Variants in USP11 observed in about 807,000 individuals in gnomAD.
USP11 encodes ubiquitin carboxyl-terminal hydrolase 11.
USP11 carries 5 observed loss-of-function variants against 72.8 expected under a neutral mutation model. That is an observed-to-expected ratio of 0.07 (90% CI 0.04 to 0.14). USP11 has a LOEUF of 0.14. USP11 is among the 10% of genes least tolerant of loss of function. The probability of loss-of-function intolerance (pLI) is 1.00; values close to 1 mark genes in which losing one functional copy is unlikely to be tolerated. For synonymous variants in USP11, 368 were observed against 326.5 expected, an observed-to-expected ratio of 1.13 and a Z score of -1.37; for missense variants, 480 against 794.7, an observed-to-expected ratio of 0.60 and a Z score of 4.76.
At chrX:47,238,334 C>T (rs1286553029) in intron 1 of USP11, among the ~76,000 whole-genome samples, 6 of 109,173 alleles carry the variant, frequency 5.5e-5, no homozygotes, top group Non-Finnish European at 9.5e-5. Context: ...ATTACAGGCA[C>T]GTGCCAGCAC....
intron 12 of USP11, 22 bp from the exon 13 acceptor site, chrX:47,243,374 G>A (rs1286387564): frequency 8.3e-7 from 1 of 1,209,860 alleles, no homozygotes; most frequent in South Asian, 1.8e-5. Context: ...GATCAGGTGT[G>A]CCTGCTGTCC....
chrX:47,238,227 G>T (rs1019471647), intron 1 of USP11, among the ~76,000 whole-genome samples: 3 of 95,699 alleles, frequency 3.1e-5, no homozygotes, highest in Admixed American at 1.2e-4. Flanking sequence ...TCACTCTGTC[G>T]CACAGGCTGG....
intron 7 of USP11, 58 bp downstream of exon 7, chrX:47,240,934 G>A (rs2055399234): frequency 9.1e-7 from 1 of 1,099,623 alleles, no homozygotes; most frequent in African/African-American, 1.8e-5. Context: ...AAGAGCTGAG[G>A]ATTGGGGACA....
At chrX:47,238,957 C>T in intron 1 of USP11, 113 bp from the exon 2 acceptor site, 1 of 485,790 alleles carries the variant, frequency 2.1e-6, no homozygotes, top group South Asian at 4.6e-5. Flanking sequence ...GATGCTGAAA[C>T]TTTTCATCTT....
At chrX:47,233,379 T>C (rs2055355104) in intron 1 of USP11, 160 bp downstream of exon 1, 1 of 1,076,958 alleles carries the variant, frequency 9.3e-7, no homozygotes, top group Non-Finnish European at 1.2e-6. Context: ...GGAAGTGCCT[T>C]TGAATGAATC....
Position 47,242,276 on chromosome X carries a change from C to T in USP11, c.1374C>T (p.Ile458=), listed in dbSNP as rs749581378. The T allele has an allele frequency of 4.1e-6, 5 of 1,211,848 alleles. No homozygotes were observed. Among genetic ancestry groups the T allele is most frequent in the Non-Finnish European group, 5.6e-6 (5 of 895,495 alleles). Residue 458 remains isoleucine (I), a synonymous_variant, in exon 10 of 21, where the codon ATC becomes ATT. Coordinates refer to ENST00000377107, the MANE Select transcript of USP11 (RefSeq NM_001371072.1). ...AGAGGGTCTTGGAGGTCTTCTTTAT[C>T]CCCATGGATCCGCGCCGCAAGCCAG... The part of the protein sequence containing the change: ...SHKRVLEVFF[I]PMDPRRKPEQ...
intron 7 of USP11, 69 bp from the exon 8 acceptor site, chrX:47,241,208 T>C (rs1407429495): frequency 1.1e-5 from 12 of 1,099,923 alleles, no homozygotes; most frequent in Non-Finnish European, 1.5e-5. Context: ...CTGGCTTCTT[T>C]TTGTGTATCC....
At chrX:47,239,693 A>G (rs2055392258) in intron 3 of USP11, 97 bp from the exon 4 acceptor site, 5 of 1,011,324 alleles carry the variant, frequency 4.9e-6, no homozygotes, top group East Asian at 3.1e-5. Flanking sequence ...TTTGTATGCT[A>G]TGTTTGTAAG....
chrX:47,247,233 G>T lies in USP11; in HGVS notation c.2420+12G>T, dbSNP rs372168146. On this transcript the variant is annotated intron_variant, in intron 18 of 20. Transcript: ENST00000377107. ...GAGTTTCCTATCCGGTCAGGGGCCA[G>T]GGAGAGGATGGCTGGGGGAAGGCAG... is the stretch of plus-strand genomic sequence containing the variant. The T allele has an allele frequency of 1.9e-4, 224 of 1,208,886 alleles. No individual in the cohort carries two copies. The highest frequency in any genetic ancestry group is 2.3e-4 in the Non-Finnish European group (208 of 894,927).
In USP11 at chrX:47,247,785, C is replaced by G. The variant is rs1475936981; in HGVS notation, c.2626-8C>G. On this transcript the variant is annotated splice_region_variant and splice_polypyrimidine_tract_variant and intron_variant, in intron 20 of 20. Transcript: ENST00000377107. Reference sequence around the variant, plus strand: ...CAATCCACACTGACTCCTGTCCTCTCCCCACAGTCCAAGGCAGCCTATGTC... The same window carrying G: ...CAATCCACACTGACTCCTGTCCTCTGCCCACAGTCCAAGGCAGCCTATGTC... 8.3e-7 allele frequency: 1 copy of G among 1,205,162 alleles called. No homozygotes were observed. Among genetic ancestry groups the G allele is most frequent in the African/African-American group, 1.8e-5 (1 of 56,127 alleles).
intron 7 of USP11, 73 bp from the exon 8 acceptor site, chrX:47,241,204 T>G (rs2055401186): frequency 9.2e-7 from 1 of 1,083,593 alleles, no homozygotes; most frequent in South Asian, 2.2e-5. Flanking sequence ...CCTCCTGGCT[T>G]CTTTTTGTGT....
Position 47,240,296 on chromosome X carries a change from C to A in USP11, c.536-9C>A. ...AAAGATCTTGAATGTACTCCATCAC[C>A]CCGCACAGGCCTAGTATTGCGCACA... On this transcript the variant is annotated splice_polypyrimidine_tract_variant and intron_variant, in intron 4 of 20. Coordinates refer to ENST00000377107, the MANE Select transcript of USP11 (RefSeq NM_001371072.1). The A allele has an allele frequency of 8.3e-7, 1 of 1,208,827 alleles. No homozygotes were observed. Among genetic ancestry groups the A allele is most frequent in the African/African-American group, 1.7e-5 (1 of 57,736 alleles).
At chrX:47,233,985 A>G (rs1210887181) in intron 1 of USP11, 1 of 112,232 alleles carries the variant, frequency 8.9e-6, no homozygotes, top group African/African-American at 3.2e-5. Context: ...TTTAGAATCA[A>G]GAAAAAGTCG....
At chrX:47,244,617 G>C in intron 14 of USP11, 65 bp from the exon 15 acceptor site, 1 of 1,206,134 alleles carries the variant, frequency 8.3e-7, no homozygotes, top group South Asian at 1.8e-5. Context: ...GGTTCGTCTA[G>C]GTGTGCATTG....
Position 47,241,712 on chromosome X carries a change from C to G in USP11, c.1179+13C>G. 8.5e-7 allele frequency: 1 copy of G among 1,175,218 alleles called. No individual in the cohort carries two copies. Among genetic ancestry groups the G allele is most frequent in the Non-Finnish European group, 1.1e-6 (1 of 878,835 alleles). On this transcript the variant is annotated intron_variant, in intron 9 of 20. Coordinates refer to ENST00000377107, the MANE Select transcript of USP11 (RefSeq NM_001371072.1). ...GCGACCGGATCAGGTAGGCTGCCCCCGCATTTGCAGTCCAATTAACATCAC... is the reference window on the plus strand; with the variant it reads ...GCGACCGGATCAGGTAGGCTGCCCCGGCATTTGCAGTCCAATTAACATCAC...
intron 12 of USP11, 33 bp from the exon 13 acceptor site, chrX:47,243,363 T>C (rs1248453306): frequency 4.1e-6 from 5 of 1,206,227 alleles, no homozygotes; most frequent in Middle Eastern, 2.3e-4. Context: ...CTGGGGGCCC[T>C]GATCAGGTGT....
At chrX:47,236,730 GT>G (rs1175898101) in intron 1 of USP11, among the ~76,000 whole-genome samples, 1 of 112,232 alleles carries the variant, frequency 8.9e-6, no homozygotes, top group African/African-American at 3.2e-5. Flanking sequence ...ATAAACCTAA[GT>G]GACTTTAGCA....
intron 1 of USP11, among the ~76,000 whole-genome samples, chrX:47,234,313 T>G (rs1218680838): frequency 1.8e-5 from 2 of 112,081 alleles, no homozygotes; most frequent in Non-Finnish European, 3.8e-5. Flanking sequence ...ATGCAACATG[T>G]GATCCTCGAT....
chrX:47,247,488 AGTGAGTGACTAGGGAT>A (rs1305089439), intron 19 of USP11, 69 bp downstream of exon 19: 2 of 1,163,291 alleles, frequency 1.7e-6, no homozygotes. Context: ...GGACCTTCCC[AGTGAGTGACTAGGGAT>A]GTGAGCCAGT....
Sources: allele counts gnomAD v4.1 joint callset (sites outside exome capture counted in the v4.1 genomes callset), GRCh38; gene constraint gnomAD v4.1.1; transcripts MANE v1.5; gene names NCBI Gene and HGNC (gene_info 2026-07-23, HGNC 2026-07-21).